The following EPC2 variants were observed in gnomAD, a reference collection of about 807,000 sequenced individuals.
The protein encoded by EPC2 is enhancer of polycomb homolog 2.
Under a neutral mutation model 92.1 loss-of-function variants are expected in EPC2, and 14 were observed. That is an observed-to-expected ratio of 0.15 (90% CI 0.10 to 0.24). The LOEUF (loss-of-function observed/expected upper bound fraction) is 0.24, where lower values mean the gene tolerates loss of function less well. EPC2 is among the 10% of genes least tolerant of loss of function. The pLI is 1.00. For synonymous variants in EPC2, 340 were observed against 334.7 expected (o/e 1.02, Z -0.17); for missense variants, 755 against 971.5 (o/e 0.78, Z 2.96).
intron 2 of EPC2, among the ~76,000 whole-genome samples, chr2:148,720,833 C>A (rs139883334): frequency 1.0e-3 from 157 of 152,248 alleles, no homozygotes; most frequent in African/African-American, 3.5e-3. Flanking sequence ...AGTCTCAATG[C>A]GACTACCTGG....
At chr2:148,753,091 C>T (rs1574623360) in intron 3 of EPC2, among the ~76,000 whole-genome samples, 1 of 152,184 alleles carries the variant, frequency 6.6e-6, no homozygotes. Context: ...CCCATTCCAT[C>T]CTGCTAAAGC....
intron 2 of EPC2, among the ~76,000 whole-genome samples, chr2:148,693,070 A>G (rs993727410): frequency 2.6e-5 from 4 of 152,086 alleles, no homozygotes; most frequent in South Asian, 4.1e-4. Context: ...ATATTTCACA[A>G]TTTGCTTATT....
rs1334115642 is a variant in EPC2, at chr2:148,754,102, G to A, written c.635G>A (p.Arg212Gln). 1 of 1,607,350 alleles carries A rather than the reference G, an allele frequency of 6.2e-7. No individual in the cohort carries two copies. The highest frequency in any genetic ancestry group is 8.5e-7 in the Non-Finnish European group (1 of 1,176,826). ...AACAATGACCCTTATGTTGCCTTTC[G>A]GAGAAGAACAGAGAAAATGCAAACT... ...STNNDPYVAFRRRTEKMQTRK... is the reference protein window; with the variant it reads ...STNNDPYVAFQRRTEKMQTRK... The change falls in exon 4 of 14, where the codon CGG becomes CAG. Residue 212 changes from arginine (R) to glutamine (Q), a missense_variant. Arg to Gln is a conservative substitution (Grantham distance 43). Transcript: ENST00000258484.
At chr2:148,772,481 A>G (rs1683542400) in intron 10 of EPC2, among the ~76,000 whole-genome samples, 1 of 152,172 alleles carries the variant, frequency 6.6e-6, no homozygotes, top group Non-Finnish European at 1.5e-5. Context: ...ATCATAAATC[A>G]CTTTAGCTTG....
intron 1 of EPC2, among the ~76,000 whole-genome samples, chr2:148,689,943 G>A (rs1681611147): frequency 6.6e-6 from 1 of 151,888 alleles, no homozygotes; most frequent in African/African-American, 2.4e-5. Context: ...TTTTGTAATT[G>A]AAATTTTATA....
chr2:148,719,423 G>A (rs1053486523), intron 2 of EPC2, among the ~76,000 whole-genome samples: 1 of 152,152 alleles, frequency 6.6e-6, no homozygotes, highest in Admixed American at 6.5e-5. Flanking sequence ...GTGGTATTTT[G>A]TGGTTTTTCT....
chr2:148,682,775 A>G (rs1681426828), intron 1 of EPC2, among the ~76,000 whole-genome samples: 1 of 152,098 alleles, frequency 6.6e-6, no homozygotes, highest in Non-Finnish European at 1.5e-5. Flanking sequence ...CATATGGCCA[A>G]TCGTGTTTTG....
intron 1 of EPC2, among the ~76,000 whole-genome samples, chr2:148,687,855 GA>G (rs1171241937): frequency 6.6e-6 from 1 of 152,160 alleles, no homozygotes; most frequent in East Asian, 1.9e-4. Context: ...AGAAGATCAT[GA>G]AATTAATTAT....
intron 2 of EPC2, among the ~76,000 whole-genome samples, chr2:148,709,610 A>G (rs1347669605): frequency 1.3e-5 from 2 of 152,362 alleles, no homozygotes; most frequent in African/African-American, 4.8e-5. Flanking sequence ...ACAAGTCTAC[A>G]GTAACCAAAA....
At chr2:148,774,620 T>C (rs1043587791) in intron 10 of EPC2, among the ~76,000 whole-genome samples, 2 of 111,028 alleles carry the variant, frequency 1.8e-5, no homozygotes, top group African/African-American at 5.9e-5. Context: ...AAAAAAAATA[T>C]ATTTTATATA....
chr2:148,644,956 T>TGCCC lies in EPC2; in HGVS notation c.-62_-61insGCCC. ...GAGGTGGAGGAGGCGGCGGGAGTCCTCCCCCCCTCCCCGCCCGCCCCGCCG... is the reference window on the plus strand; with the variant it reads ...GAGGTGGAGGAGGCGGCGGGAGTCCTGCCCCCCCCCCTCCCCGCCCGCCCCGCCG... On this transcript the variant is annotated 5_prime_UTR_variant, in exon 1 of 14. Transcript: ENST00000258484. 1 of 1,392,296 alleles carries TGCCC rather than the reference T, an allele frequency of 7.2e-7. No homozygotes were observed. The highest frequency in any genetic ancestry group is 9.9e-7 in the Non-Finnish European group (1 of 1,012,500). 86.2% of individuals were successfully genotyped at this position (1,392,296 alleles called of 1,614,324 possible).
intron 3 of EPC2, among the ~76,000 whole-genome samples, chr2:148,749,803 A>G (rs760074274): frequency 1.3e-5 from 2 of 152,068 alleles, no homozygotes; most frequent in Non-Finnish European, 2.9e-5. Flanking sequence ...CCATGCTGTA[A>G]TGTGTGTGTA....
chr2:148,761,784 T>C lies in EPC2; in HGVS notation c.669T>C (p.Asn223=). Residue 223 remains asparagine, a splice_region_variant and synonymous_variant, in exon 5 of 14, where the codon AAT becomes AAC. Transcript: ENST00000258484. The stretch of plus-strand genomic sequence containing the variant: ...TCTAAAATTATTATTTTTAATAGAA[T>C]CGTAAGAATGATGAAGCCTCTTATG... ...RRTEKMQTRK[N]RKNDEASYEK... 1 of 1,493,058 alleles carries C rather than the reference T, an allele frequency of 6.7e-7. No individual in the cohort carries two copies. The highest frequency in any genetic ancestry group is 8.9e-7 in the Non-Finnish European group (1 of 1,121,986). The allele number at this position is 1,493,058 out of a possible 1,614,324, so 92.5% of individuals were successfully genotyped here. A position where few individuals can be genotyped will look rare whatever the true frequency, so the allele number is the denominator to read the frequency against.
intron 1 of EPC2, among the ~76,000 whole-genome samples, chr2:148,681,626 TA>T (rs952026564): frequency 2.6e-5 from 4 of 151,176 alleles, no homozygotes; most frequent in Admixed American, 1.3e-4. Context: ...TTCTTTTCCG[TA>T]AAAAAAAATT....
rs1683134390 is a variant in EPC2 at position 148,754,090 on chromosome 2, A to T, written c.623A>T (p.Tyr208Phe). Residue 208 changes from tyrosine (Y) to phenylalanine (F), a missense_variant, in exon 4 of 14, where the codon TAT becomes TTT. This residue lies in a region of EPC2 where 509 missense variants were observed against 607.7 expected (regional missense o/e 0.84). Transcript: ENST00000258484. ...GATGGCTCTACCAACAATGACCCTTATGTTGCCTTTCGGAGAAGAACAGAG... is the reference window on the plus strand; with the variant it reads ...GATGGCTCTACCAACAATGACCCTTTTGTTGCCTTTCGGAGAAGAACAGAG... ...KRDGSTNNDP[Y>F]VAFRRRTEKM... is the part of the protein sequence containing the mutation. The T allele has an allele frequency of 6.2e-7, 1 of 1,609,990 alleles. No individual in the cohort carries two copies. Among genetic ancestry groups the T allele is most frequent in the Non-Finnish European group, 8.5e-7 (1 of 1,178,166 alleles).
At chr2:148,645,458 C>A in intron 1 of EPC2, 1 of 374,858 alleles carries the variant, frequency 2.7e-6, no homozygotes, top group Non-Finnish European at 4.9e-6. Flanking sequence ...GCAGGGGATG[C>A]GCTGGCCGCT....
At chr2:148,757,009 G>A (rs532774997) in intron 4 of EPC2, among the ~76,000 whole-genome samples, 1 of 152,338 alleles carries the variant, frequency 6.6e-6, no homozygotes, top group Admixed American at 6.5e-5. Context: ...GGGGCAAGTG[G>A]ATTTGAATAC....
intron 2 of EPC2, among the ~76,000 whole-genome samples, chr2:148,705,379 G>A (rs958978366): frequency 2.6e-5 from 4 of 152,146 alleles, no homozygotes; most frequent in Non-Finnish European, 4.4e-5. Flanking sequence ...GTTCCAAGAT[G>A]GCTGAATAGG....
intron 2 of EPC2, among the ~76,000 whole-genome samples, chr2:148,721,465 A>C (rs571120424): frequency 9.9e-5 from 15 of 151,730 alleles, no homozygotes; most frequent in Admixed American, 9.8e-4. Flanking sequence ...GCTTCTTTCA[A>C]GGTTTTTTCT....
Sources: gnomAD v4.1 joint callset for allele counts (sites outside exome capture counted in the v4.1 genomes callset) on GRCh38, gnomAD v4.1.1 for gene constraint, gnomAD v4.1.1 regional missense constraint, MANE v1.5 for transcripts, NCBI Gene and HGNC (gene_info 2026-07-23, HGNC 2026-07-21) for gene names.